Variants in SYT14 observed in about 807,000 individuals in gnomAD.
SYT14 encodes the protein synaptotagmin-14.
A neutral mutation model predicts 74.2 loss-of-function variants in SYT14; 32 were observed. The ratio of observed to expected loss-of-function variants is 0.43; its 90% confidence interval spans 0.33 to 0.58. The LOEUF (loss-of-function observed/expected upper bound fraction) is 0.58, where lower values mean the gene tolerates loss of function less well. Among genes scored for constraint, SYT14 ranks in the 20% least tolerant of loss-of-function variants. The probability of loss-of-function intolerance (pLI) is 0.05; values close to 1 mark genes in which losing one functional copy is unlikely to be tolerated. For synonymous variants in SYT14, 298 were observed against 337.7 expected (o/e 0.88, Z 1.29); for missense variants, 791 against 981.8 (o/e 0.81, Z 2.60).
At chr1:210,066,179 A>G (rs898809279) in intron 5 of SYT14, among the ~76,000 whole-genome samples, 2 of 152,068 alleles carry the variant, frequency 1.3e-5, no homozygotes, top group Admixed American at 1.3e-4. Flanking sequence ...TAGTGCCGCA[A>G]TAAATATACC....
At chr1:209,960,919 A>G (rs542206193) in intron 2 of SYT14, among the ~76,000 whole-genome samples, 5 of 152,288 alleles carry the variant, frequency 3.3e-5, no homozygotes, top group African/African-American at 1.2e-4. Context: ...GACAACAGGT[A>G]GATTACTGTT....
At chr1:210,018,855 A>G (rs1402810200) in intron 4 of SYT14, among the ~76,000 whole-genome samples, 2 of 151,880 alleles carry the variant, frequency 1.3e-5, no homozygotes, top group Admixed American at 1.3e-4. Context: ...AAAAGGGGGA[A>G]GGCCAGGCAC....
chr1:210,131,452 G>T (rs1215807554), intron 7 of SYT14, among the ~76,000 whole-genome samples: 3 of 151,864 alleles, frequency 2.0e-5, no homozygotes, highest in Non-Finnish European at 2.9e-5. Flanking sequence ...CAGTAGAATG[G>T]TATATACTAT....
At chr1:210,160,814 T>A (rs1320425329) in exon 10 of SYT14, 1 of 1,613,880 alleles carries the variant, frequency 6.2e-7, no homozygotes, top group Admixed American at 1.7e-5. Flanking sequence ...GGCAGCCAAA[T>A]CCAGTATATA....
intron 5 of SYT14, among the ~76,000 whole-genome samples, chr1:210,022,333 T>G (rs1280681388): frequency 6.6e-6 from 1 of 152,206 alleles, no homozygotes; most frequent in Admixed American, 6.5e-5. Context: ...TACTGAATGA[T>G]TACTATATGG....
intron 1 of SYT14, among the ~76,000 whole-genome samples, chr1:209,949,794 G>A (rs1355184148): frequency 6.6e-6 from 1 of 152,042 alleles, no homozygotes; most frequent in African/African-American, 2.4e-5. Flanking sequence ...TTAGAATTTG[G>A]GGGACAAATA....
intron 7 of SYT14, among the ~76,000 whole-genome samples, chr1:210,136,518 G>GAGTTAATT (rs1477559423): frequency 2.0e-5 from 3 of 152,148 alleles, no homozygotes; most frequent in Admixed American, 2.0e-4. Flanking sequence ...TACAATCAAG[G>GAGTTAATT]AGTTAATTGG....
At chr1:210,016,205 G>A in exon 4 of SYT14, 1 of 1,232,058 alleles carries the variant, frequency 8.1e-7, no homozygotes, top group Non-Finnish European at 1.0e-6. Context: ...AGAAGCTGTA[G>A]ACACTTCTAA....
intron 6 of SYT14, among the ~76,000 whole-genome samples, chr1:210,095,566 T>C (rs1174912290): frequency 6.6e-6 from 1 of 152,170 alleles, no homozygotes; most frequent in Non-Finnish European, 1.5e-5. Flanking sequence ...CTTAAAAGTT[T>C]TAGATTGCAA....
chr1:209,993,918 A>G lies in SYT14; in HGVS notation c.-485-19715A>G, dbSNP rs150587571. Among the ~76,000 whole-genome samples, 21 of 152,332 alleles carry G rather than the reference A, an allele frequency of 1.4e-4. 1 individual carries two copies. The East Asian group carries it at 4.1e-3, about 29-fold the overall frequency. Reference sequence around the variant, plus strand: ...ACTGCAACACCAAAAATCTGCTGATATATACACCTGTGAAACCAAGTGCAA... The same window carrying G: ...ACTGCAACACCAAAAATCTGCTGATGTATACACCTGTGAAACCAAGTGCAA... On this transcript the variant is annotated intron_variant, in intron 2 of 9. Coordinates refer to ENST00000637265, the Ensembl canonical transcript of SYT14.
At chr1:210,138,613 T>A (rs2082841157) in intron 7 of SYT14, among the ~76,000 whole-genome samples, 1 of 152,204 alleles carries the variant, frequency 6.6e-6, no homozygotes, top group South Asian at 2.1e-4. Flanking sequence ...CCTATATATG[T>A]CTGCCAAAAA....
chr1:210,083,118 T>C (rs999299051), intron 5 of SYT14, among the ~76,000 whole-genome samples: 1 of 130,542 alleles, frequency 7.7e-6, no homozygotes, highest in Admixed American at 7.2e-5. Flanking sequence ...GTAGTTGGGA[T>C]TGTAGGCATG....
At chr1:210,100,588 T>A in intron 7 of SYT14, 127 bp downstream of exon 6, 1 of 913,328 alleles carries the variant, frequency 1.1e-6, no homozygotes, top group South Asian at 1.5e-5. Context: ...ATCATGCCTT[T>A]ACAAAAATAT....
chr1:209,945,120 C>T (rs539766007), intron 1 of SYT14, among the ~76,000 whole-genome samples: 16 of 152,256 alleles, frequency 1.1e-4, no homozygotes, highest in African/African-American at 3.6e-4. Context: ...CAACCCTACC[C>T]TCCACCCCCA....
intron 5 of SYT14, among the ~76,000 whole-genome samples, chr1:210,061,978 A>G (rs557443261): frequency 2.2e-4 from 33 of 151,788 alleles, no homozygotes; most frequent in Admixed American, 5.9e-4. Context: ...GTAAAGATCT[A>G]TTATACAGTG....
At chr1:210,140,166 G>C (rs769255580) in intron 7 of SYT14, among the ~76,000 whole-genome samples, 5 of 152,132 alleles carry the variant, frequency 3.3e-5, no homozygotes, top group Non-Finnish European at 7.4e-5. Flanking sequence ...TGGGTATAAA[G>C]TGGTATCTTA....
At chr1:210,171,049 T>C (rs2083520504) in exon 10 of SYT14, 1 of 152,216 alleles carries the variant, frequency 6.6e-6, no homozygotes, top group Non-Finnish European at 1.5e-5. Flanking sequence ...GTCATTCATA[T>C]CAGTATTGCT....
intron 5 of SYT14, among the ~76,000 whole-genome samples, chr1:210,052,665 C>CAAA (rs561069342): frequency 1.9e-4 from 8 of 42,260 alleles, no homozygotes; most frequent in African/African-American, 6.5e-4. Context: ...TACATCTCAC[C>CAAA]AAAAAAAAAA....
intron 7 of SYT14, among the ~76,000 whole-genome samples, chr1:210,113,155 G>T (rs12409069): frequency 6.6e-6 from 1 of 151,246 alleles, no homozygotes; most frequent in Non-Finnish European, 1.5e-5. Context: ...AACTCTGACC[G>T]CACAGCCCTG....
Sources: gnomAD v4.1 joint callset for allele counts (sites outside exome capture counted in the v4.1 genomes callset) on GRCh38, gnomAD v4.1.1 for gene constraint, MANE v1.5 for transcripts, NCBI Gene and HGNC (gene_info 2026-07-23, HGNC 2026-07-21) for gene names.